RCC2: variants seen among roughly 807,000 people sequenced by gnomAD.
RCC2 encodes the protein regulator of chromosome condensation 2, also known as protein RCC2.
In RCC2, 19 loss-of-function variants were observed where a neutral mutation model predicts 64.1. That is an observed-to-expected ratio of 0.30 (90% CI 0.21 to 0.44). The LOEUF (loss-of-function observed/expected upper bound fraction) is 0.44, where lower values mean the gene tolerates loss of function less well. Among genes scored for constraint, RCC2 ranks in the 20% least tolerant of loss-of-function variants. RCC2 has a pLI of 1.00. For synonymous variants in RCC2, 325 were observed against 279.6 expected, an observed-to-expected ratio of 1.16 and a Z score of -1.62; for missense variants, 508 against 710.4, an observed-to-expected ratio of 0.72 and a Z score of 3.24.
chr1:17,414,547 C>CA (rs1557622330), intron 8 of RCC2, among the ~76,000 whole-genome samples: 7 of 115,300 alleles, frequency 6.1e-5, no homozygotes, highest in Non-Finnish European at 1.1e-4. Flanking sequence ...AAAAACAAAA[C>CA]GAAACAAAAA....
intron 2 of RCC2, 92 bp from the exon 3 acceptor site, chr1:17,429,291 ATCAT>A (rs2075649856): frequency 1.0e-6 from 1 of 985,106 alleles, no homozygotes; most frequent in South Asian, 1.3e-5. Context: ...ACGAAAGAAA[ATCAT>A]TCAGTTAGCC....
At chr1:17,437,923 C>CG (rs1178102563) in intron 2 of RCC2, among the ~76,000 whole-genome samples, 1 of 144,868 alleles carries the variant, frequency 6.9e-6, no homozygotes, top group Non-Finnish European at 1.5e-5. Context: ...GCTGTGGGGG[C>CG]GGGGCCATGA....
intron 2 of RCC2, among the ~76,000 whole-genome samples, chr1:17,437,557 G>C (rs929942752): frequency 2.8e-5 from 4 of 143,648 alleles, no homozygotes; most frequent in South Asian, 2.2e-4. Context: ...CTTCACTTGG[G>C]GGGGCTACAA....
chr1:17,425,227 C>T (rs2075600809), intron 4 of RCC2, among the ~76,000 whole-genome samples: 1 of 152,122 alleles, frequency 6.6e-6, no homozygotes, highest in Non-Finnish European at 1.5e-5. Context: ...GCCTGCCTAA[C>T]ACACTCACAC....
At position 17,438,214 on chromosome 1, in the gene RCC2, C is replaced by G. The variant is rs2075762047; in HGVS notation, c.285+16G>C. On this transcript the variant is annotated intron_variant, in intron 2 of 12. Coordinates refer to ENST00000375436, the MANE Select transcript of RCC2 (RefSeq NM_018715.4). Reference sequence around the variant, plus strand: ...CCCGGCCCTGCGCCCACCCGTCTACCCTGACCCTCACTCACGACGCGCTCC... The same window carrying G: ...CCCGGCCCTGCGCCCACCCGTCTACGCTGACCCTCACTCACGACGCGCTCC... 1.6e-6 allele frequency: 2 copies of G among 1,273,420 alleles called. No individual in the cohort carries two copies. The highest frequency in any genetic ancestry group is 2.0e-6 in the Non-Finnish European group (2 of 993,156). 78.9% of individuals were successfully genotyped at this position (1,273,420 alleles called of 1,614,324 possible). A position where few individuals can be genotyped will look rare whatever the true frequency, so the allele number is the denominator to read the frequency against.
chr1:17,427,492 C>A (rs1204125803), intron 3 of RCC2, among the ~76,000 whole-genome samples: 1 of 152,180 alleles, frequency 6.6e-6, no homozygotes, highest in Non-Finnish European at 1.5e-5. Context: ...AAGGAGGTGG[C>A]ACCTAAATTA....
At position 17,408,780 on chromosome 1, in the gene RCC2, G is replaced by GA. The variant is rs564074300; in HGVS notation, c.*309dup. ...GGAGTGTATTCAGGAGAGGAAGAAAGAAAAAACTTAAAAAAAAAAAAAACC... is the reference window on the plus strand; with the variant it reads ...GGAGTGTATTCAGGAGAGGAAGAAAGAAAAAAACTTAAAAAAAAAAAAAACC... On this transcript the variant is annotated 3_prime_UTR_variant, in exon 13 of 13. Transcript: ENST00000375436. The GA allele has an allele frequency of 3.6e-6, 1 of 277,554 alleles. No individual in the cohort carries two copies. Among genetic ancestry groups the GA allele is most frequent in the Non-Finnish European group, 6.6e-6 (1 of 152,182 alleles). The allele number at this position is 277,554 out of a possible 1,614,324, so 17.2% of individuals were successfully genotyped here.
chr1:17,439,223 C>T (rs1056751350), intron 1 of RCC2, among the ~76,000 whole-genome samples: 2 of 151,956 alleles, frequency 1.3e-5, no homozygotes, highest in African/African-American at 2.4e-5. Context: ...GCCCAACTCT[C>T]TCCCAGCCCC....
intron 3 of RCC2, 50 bp from the exon 4 acceptor site, chr1:17,425,734 C>A: frequency 6.4e-7 from 1 of 1,553,814 alleles, no homozygotes. Context: ...GGTGGGGTGA[C>A]CTCCAAAATG....
At chr1:17,437,933 AC>A (rs937704674) in intron 2 of RCC2, among the ~76,000 whole-genome samples, 2 of 135,442 alleles carry the variant, frequency 1.5e-5, no homozygotes, top group African/African-American at 5.5e-5. Flanking sequence ...CGGGGCCATG[AC>A]CCCCTCGTGC....
intron 2 of RCC2, among the ~76,000 whole-genome samples, chr1:17,433,850 C>T (rs967683983): frequency 5.3e-5 from 8 of 152,078 alleles, no homozygotes; most frequent in Non-Finnish European, 8.8e-5. Flanking sequence ...GTAAGACCCC[C>T]GGGAACAATG....
chr1:17,416,446 C>T (rs775560745), intron 8 of RCC2, 34 bp downstream of exon 8: 8 of 1,582,818 alleles, frequency 5.1e-6, no homozygotes, highest in Admixed American at 1.7e-5. Flanking sequence ...CATCCTGGTG[C>T]GACTCTCAGG....
intron 10 of RCC2, among the ~76,000 whole-genome samples, chr1:17,412,745 C>G (rs555316701): frequency 1.3e-5 from 2 of 152,254 alleles, no homozygotes; most frequent in Admixed American, 6.5e-5. Context: ...CACAGCAACT[C>G]AAGTCCTGCT....
chr1:17,423,091 T>C (rs2075573270), intron 4 of RCC2, among the ~76,000 whole-genome samples: 1 of 152,182 alleles, frequency 6.6e-6, no homozygotes, highest in South Asian at 2.1e-4. Flanking sequence ...CCCACGTCTC[T>C]GCTACAAAGG....
chr1:17,412,861 A>T (rs936161866), intron 10 of RCC2, among the ~76,000 whole-genome samples: 3 of 152,328 alleles, frequency 2.0e-5, no homozygotes, highest in Non-Finnish European at 4.4e-5. Context: ...TCTTCCCACA[A>T]GACAGGGAAC....
At position 17,438,156 on chromosome 1, in the gene RCC2, C is replaced by G. The variant is rs1239146532; in HGVS notation, c.285+74G>C. ...GACGCGAGGCGGCCCCCGGCTGGAA[C>G]GCGCGCCGTGCCGCGTCGCTGAGCC... On this transcript the variant is annotated intron_variant, in intron 2 of 12. Coordinates refer to ENST00000375436, the MANE Select transcript of RCC2 (RefSeq NM_018715.4). 3 of 1,067,154 alleles carry G rather than the reference C, an allele frequency of 2.8e-6. No homozygotes were observed. The East Asian group carries it at 1.9e-4, about 66-fold the overall frequency. The allele number at this position is 1,067,154 out of a possible 1,614,324, so 66.1% of individuals were successfully genotyped here. A position where few individuals can be genotyped will look rare whatever the true frequency, so the allele number is the denominator to read the frequency against.
At chr1:17,420,314 T>C (rs2075541892) in intron 7 of RCC2, among the ~76,000 whole-genome samples, 2 of 152,164 alleles carry the variant, frequency 1.3e-5, no homozygotes, top group Admixed American at 6.5e-5. Flanking sequence ...CAACCCGAAA[T>C]AATCGCCCAG....
chr1:17,408,626 G>A lies in RCC2; in HGVS notation c.*464C>T, dbSNP rs375001934. The A allele has an allele frequency of 1.2e-4, 19 of 160,904 alleles. No individual in the cohort carries two copies. The South Asian group carries it at 3.0e-3, about 25-fold the overall frequency. 10.0% of individuals were successfully genotyped at this position (160,904 alleles called of 1,614,324 possible). On this transcript the variant is annotated 3_prime_UTR_variant, in exon 13 of 13. Coordinates refer to ENST00000375436, the MANE Select transcript of RCC2 (RefSeq NM_018715.4). ...CGCGAGCGTGATTTTGGATGGAGGC[G>A]GGCCGGTGACTGCCTAGCTGCTGCC...
chr1:17,416,899 ATACTC>A (rs1231965809), intron 7 of RCC2, among the ~76,000 whole-genome samples: 1 of 152,250 alleles, frequency 6.6e-6, no homozygotes, highest in African/African-American at 2.4e-5. Flanking sequence ...ATGACAAAGA[ATACTC>A]TACACATAAT....
Sources: allele counts gnomAD v4.1 joint callset (sites outside exome capture counted in the v4.1 genomes callset), GRCh38; gene constraint gnomAD v4.1.1; transcripts MANE v1.5; gene names NCBI Gene and HGNC (gene_info 2026-07-23, HGNC 2026-07-21).